DSCAM: variants seen among roughly 807,000 people sequenced by gnomAD.
DSCAM encodes DS cell adhesion molecule.
DSCAM carries 47 observed loss-of-function variants against 217.7 expected under a neutral mutation model. The observed-to-expected ratio is 0.22, with a 90% CI of 0.17 to 0.28. The LOEUF (loss-of-function observed/expected upper bound fraction) is 0.28. Ranked by LOEUF, DSCAM falls within the 10% of genes least tolerant of loss-of-function variation. The pLI, the probability that DSCAM is intolerant of heterozygous loss-of-function variation, is 1.00. For missense variants in DSCAM, 2,080 were observed against 2,618.3 expected, an observed-to-expected ratio of 0.79 and a Z score of 4.49; for synonymous variants, 1,056 against 1,015.3, an observed-to-expected ratio of 1.04 and a Z score of -0.76.
At chr21:40,279,344 C>T (rs1403867627) in intron 10 of DSCAM, among the ~76,000 whole-genome samples, 1 of 148,510 alleles carries the variant, frequency 6.7e-6, no homozygotes, top group Admixed American at 6.8e-5. Context: ...TCATATGAGA[C>T]TTTTATGTGG....
At chr21:40,803,262 A>G (rs2091758077) in intron 1 of DSCAM, among the ~76,000 whole-genome samples, 1 of 152,208 alleles carries the variant, frequency 6.6e-6, no homozygotes, top group South Asian at 2.1e-4. Context: ...TTGCTTTACA[A>G]ATGCAAATGA....
intron 3 of DSCAM, among the ~76,000 whole-genome samples, chr21:40,675,777 T>G (rs2090330863): frequency 6.6e-6 from 1 of 152,242 alleles, no homozygotes; most frequent in African/African-American, 2.4e-5. Flanking sequence ...CCTTGTCACC[T>G]TGAATATCCT....
chr21:40,503,111 C>T (rs10483069), intron 3 of DSCAM, among the ~76,000 whole-genome samples: 10 of 152,184 alleles, frequency 6.6e-5, no homozygotes, highest in Admixed American at 1.3e-4. Context: ...TACTTCCCAA[C>T]GTTACGCATT....
chr21:40,637,122 TATATATAA>T lies in DSCAM; in HGVS notation c.508+55680_508+55687del, dbSNP rs1204151144. Reference sequence around the variant, plus strand: ...CCCTTCTCATTCATATATATATATATATATATAAATATATAAATATATATATAAATATA... The same window carrying T: ...CCCTTCTCATTCATATATATATATATATATATAAATATATATATAAATATA... On this transcript the variant is annotated intron_variant, in intron 3 of 32. Transcript: ENST00000400454. Among the ~76,000 whole-genome samples the T allele has an allele frequency of 4.0e-5, 2 of 50,246 alleles. 1 individual carries two copies. The highest frequency in any genetic ancestry group is 1.3e-3 in the South Asian group (2 of 1,564). The allele number at this position is 50,246 out of a possible 152,430, so 33.0% of individuals were successfully genotyped here.
At chr21:40,534,790 A>G (rs2076482306) in intron 3 of DSCAM, among the ~76,000 whole-genome samples, 1 of 152,206 alleles carries the variant, frequency 6.6e-6, no homozygotes, top group Non-Finnish European at 1.5e-5. Context: ...CTTCTATATT[A>G]CTTATTTTAA....
At chr21:40,241,372 C>A (rs560787226) in intron 11 of DSCAM, among the ~76,000 whole-genome samples, 15 of 151,982 alleles carry the variant, frequency 9.9e-5, no homozygotes, top group Non-Finnish European at 1.9e-4. Flanking sequence ...ATGTAGCCAA[C>A]AAATATATGA....
chr21:40,142,512 T>G, intron 18 of DSCAM, 46 bp downstream of exon 18: 1 of 1,607,528 alleles, frequency 6.2e-7, no homozygotes. Flanking sequence ...AATTCCATCA[T>G]GCATTCTCTG....
At chr21:40,341,977 G>A (rs1313004973) in intron 6 of DSCAM, among the ~76,000 whole-genome samples, 1 of 152,136 alleles carries the variant, frequency 6.6e-6, no homozygotes, top group Non-Finnish European at 1.5e-5. Context: ...GTCAGTTGCT[G>A]AAATTGGGTT....
rs1353494332 is a variant in DSCAM at position 40,498,800 on chromosome 21, T to TGG, written c.509-129556_509-129555insCC. Among the ~76,000 whole-genome samples, 3 of 39,686 alleles carry TGG rather than the reference T, an allele frequency of 7.6e-5. 1 individual carries two copies. The highest frequency in any genetic ancestry group is 2.8e-4 in the African/African-American group (2 of 7,072). 26.0% of individuals were successfully genotyped at this position (39,686 alleles called of 152,430 possible). On this transcript the variant is annotated intron_variant, in intron 3 of 32. Coordinates refer to ENST00000400454, the MANE Select transcript of DSCAM (RefSeq NM_001389.5). ...GGGTGTGTATATATATATATATATA[T>TGG]ATATATATATATATATATACCCATC...
At chr21:40,048,126 C>T (rs957954901) in intron 30 of DSCAM, among the ~76,000 whole-genome samples, 1 of 152,190 alleles carries the variant, frequency 6.6e-6, no homozygotes, top group Non-Finnish European at 1.5e-5. Context: ...GACTAATCCC[C>T]TAGTCTCTGA....
chr21:40,781,559 T>C (rs1025328951), intron 1 of DSCAM, among the ~76,000 whole-genome samples: 2 of 152,152 alleles, frequency 1.3e-5, no homozygotes, highest in Non-Finnish European at 2.9e-5. Flanking sequence ...ACAACCTTTT[T>C]TTATATGCAG....
intron 1 of DSCAM, among the ~76,000 whole-genome samples, chr21:40,791,064 A>G (rs2091638089): frequency 6.6e-6 from 1 of 151,942 alleles, no homozygotes; most frequent in Non-Finnish European, 1.5e-5. Flanking sequence ...CCTGCCTGTA[A>G]TCTCAGCTAC....
intron 15 of DSCAM, among the ~76,000 whole-genome samples, chr21:40,168,019 C>T (rs2090616183): frequency 6.6e-6 from 1 of 152,174 alleles, no homozygotes; most frequent in Admixed American, 6.5e-5. Context: ...CGAGATTGCG[C>T]CACTGCACTC....
intron 32 of DSCAM, among the ~76,000 whole-genome samples, chr21:40,027,339 C>G (rs1568896920): frequency 6.6e-6 from 1 of 152,242 alleles, no homozygotes; most frequent in African/African-American, 2.4e-5. Context: ...TTTGGTGAAT[C>G]TGACAATTAT....
chr21:40,195,114 T>A (rs1237593749), intron 11 of DSCAM, among the ~76,000 whole-genome samples: 1 of 152,178 alleles, frequency 6.6e-6, no homozygotes, highest in African/African-American at 2.4e-5. Flanking sequence ...ATGAACAGTT[T>A]GTCACTGTAC....
chr21:40,457,321 G>C (rs1163716044), intron 3 of DSCAM, among the ~76,000 whole-genome samples: 1 of 152,086 alleles, frequency 6.6e-6, no homozygotes, highest in African/African-American at 2.4e-5. Context: ...AGACCAGCCT[G>C]GGCAGTATGG....
intron 11 of DSCAM, among the ~76,000 whole-genome samples, chr21:40,196,116 C>T (rs1326585736): frequency 6.6e-6 from 1 of 152,234 alleles, no homozygotes; most frequent in Non-Finnish European, 1.5e-5. Flanking sequence ...CACTGGCCTC[C>T]TGGTGTCCCA....
chr21:40,733,886 G>A (rs1261254594), intron 1 of DSCAM, among the ~76,000 whole-genome samples: 1 of 152,136 alleles, frequency 6.6e-6, no homozygotes, highest in Non-Finnish European at 1.5e-5. Context: ...GCACCACATT[G>A]TCAAGCTCAG....
At chr21:40,392,040 C>T (rs2075138619) in intron 3 of DSCAM, among the ~76,000 whole-genome samples, 1 of 152,168 alleles carries the variant, frequency 6.6e-6, no homozygotes, top group Non-Finnish European at 1.5e-5. Flanking sequence ...AGGTAGTTGC[C>T]TTGACCAGTC....
Sources: gnomAD v4.1 joint callset for allele counts (sites outside exome capture counted in the v4.1 genomes callset) on GRCh38, gnomAD v4.1.1 for gene constraint, MANE v1.5 for transcripts, NCBI Gene and HGNC (gene_info 2026-07-23, HGNC 2026-07-21) for gene names.